Variants in FAM91A1 observed in about 807,000 individuals in gnomAD.
The protein encoded by FAM91A1 is family with sequence similarity 91 member A1.
A neutral mutation model predicts 113.5 loss-of-function variants in FAM91A1; 41 were observed. The observed-to-expected ratio is 0.36, with a 90% confidence interval of 0.28 to 0.47. FAM91A1 has a LOEUF of 0.47. Ranked by LOEUF, FAM91A1 falls within the 20% of genes least tolerant of loss-of-function variation. The pLI is 1.00. For missense variants in FAM91A1, 696 were observed against 1,001.2 expected (o/e 0.70, Z 4.11); for synonymous variants, 307 against 347.9 (o/e 0.88, Z 1.31).
At chr8:123,785,298 C>T (rs1815225751) in intron 10 of FAM91A1, among the ~76,000 whole-genome samples, 179 bp downstream of exon 10, 2 of 152,152 alleles carry the variant, frequency 1.3e-5, no homozygotes, top group Non-Finnish European at 2.9e-5. Context: ...AAAAGGGGCC[C>T]TAAATTGGGA....
At position 123,813,358 on chromosome 8, in the gene FAM91A1, A is replaced by G. The variant is rs1470280282; in HGVS notation, c.*654A>G. On this transcript the variant is annotated 3_prime_UTR_variant, in exon 24 of 24. Coordinates refer to ENST00000334705, the MANE Select transcript of FAM91A1 (RefSeq NM_144963.4). Reference sequence around the variant, plus strand: ...GACATCTCATGAGAAGCTTTAGAAGACTTTCTATTTTTAAACACCATTTAT... The same window carrying G: ...GACATCTCATGAGAAGCTTTAGAAGGCTTTCTATTTTTAAACACCATTTAT... 6.6e-6 allele frequency: 1 copy of G among 152,578 alleles called. No individual in the cohort carries two copies. The highest frequency in any genetic ancestry group is 1.5e-5 in the Non-Finnish European group (1 of 68,004). 9.5% of individuals were successfully genotyped at this position (152,578 alleles called of 1,614,324 possible).
intron 18 of FAM91A1, 135 bp from the exon 19 acceptor site, chr8:123,805,132 A>G: frequency 3.1e-6 from 2 of 648,746 alleles, no homozygotes; most frequent in Non-Finnish European, 5.2e-6. Context: ...AGAAAAATAG[A>G]AAATTGTTGA....
At chr8:123,801,172 G>T (rs1170847593) in intron 18 of FAM91A1, among the ~76,000 whole-genome samples, 1 of 152,134 alleles carries the variant, frequency 6.6e-6, no homozygotes, top group Non-Finnish European at 1.5e-5. Context: ...GCTTTTTGAT[G>T]ATAACCACCT....
chr8:123,804,031 A>G (rs1815746501), intron 18 of FAM91A1, among the ~76,000 whole-genome samples: 1 of 152,214 alleles, frequency 6.6e-6, no homozygotes, highest in Non-Finnish European at 1.5e-5. Context: ...AATATAAGCA[A>G]AGCTTTAAAA....
chr8:123,807,480 C>CAAAAAAAAAA (rs546080328), intron 20 of FAM91A1, among the ~76,000 whole-genome samples: 7 of 58,870 alleles, frequency 1.2e-4, no homozygotes, highest in Non-Finnish European at 1.4e-4. Flanking sequence ...CCTGTCTCTA[C>CAAAAAAAAAA]AAAAAAAAAA....
At chr8:123,799,911 G>T in intron 18 of FAM91A1, 26 bp downstream of exon 18, 3 of 1,531,370 alleles carry the variant, frequency 2.0e-6, no homozygotes, top group Non-Finnish European at 1.8e-6. Context: ...TTGAAATTTT[G>T]TCTTTTTATT....
intron 18 of FAM91A1, 77 bp from the exon 19 acceptor site, chr8:123,805,190 A>C: frequency 8.7e-7 from 1 of 1,153,564 alleles, no homozygotes; most frequent in East Asian, 2.5e-5. Flanking sequence ...TACATGACAC[A>C]ATCTTATTTA....
chr8:123,794,657 A>G (rs561314790), intron 15 of FAM91A1, among the ~76,000 whole-genome samples: 3 of 152,326 alleles, frequency 2.0e-5, no homozygotes, highest in African/African-American at 7.2e-5. Context: ...TAAATTGCCT[A>G]TTGCAGTTAA....
At chr8:123,773,223 G>T (rs771708887) in intron 1 of FAM91A1, among the ~76,000 whole-genome samples, 15 of 152,212 alleles carry the variant, frequency 9.9e-5, no homozygotes, top group Admixed American at 2.0e-4. Context: ...AGTGAAAGAT[G>T]TAGGGACCTG....
In FAM91A1 at chr8:123,778,056, G is replaced by T. The variant is rs1387473654; in HGVS notation, c.399G>T (p.Gln133His). The T allele has an allele frequency of 6.2e-7, 1 of 1,612,532 alleles. No individual in the cohort carries two copies. The highest frequency in any genetic ancestry group is 1.3e-5 in the African/African-American group (1 of 74,836). ...CLRLLGIGRN[Q>H]YIDLMNQCRS... is the part of the protein sequence containing the mutation. Reference sequence around the variant, plus strand: ...GGCTTCTTGGCATAGGAAGAAACCAGTATATTGATCTTATGAATCAGTGTA... The same window carrying T: ...GGCTTCTTGGCATAGGAAGAAACCATTATATTGATCTTATGAATCAGTGTA... The change falls in exon 5 of 24, where the codon CAG becomes CAT. Residue 133 changes from glutamine to histidine, a missense_variant. Physicochemically the swap from Gln to His is conservative, Grantham distance 24. Transcript: ENST00000334705.
intron 23 of FAM91A1, chr8:123,810,652 T>G: frequency 4.8e-6 from 2 of 416,698 alleles, no homozygotes; most frequent in Admixed American, 9.5e-5. Flanking sequence ...TATAGCGCAC[T>G]TCCCAATAAC....
intron 15 of FAM91A1, among the ~76,000 whole-genome samples, chr8:123,795,465 C>G (rs1563644486): frequency 1.3e-5 from 2 of 150,958 alleles, no homozygotes; most frequent in African/African-American, 2.4e-5. Flanking sequence ...CCCCATCTCT[C>G]TCTTCCTCCT....
At chr8:123,789,835 C>T (rs2130101667) in intron 15 of FAM91A1, 90 bp downstream of exon 15, 1 of 1,431,162 alleles carries the variant, frequency 7.0e-7, no homozygotes. Context: ...ATATAATCAT[C>T]ACTTACGTAT....
chr8:123,793,396 C>A (rs1385733573), intron 15 of FAM91A1, among the ~76,000 whole-genome samples: 1 of 152,138 alleles, frequency 6.6e-6, no homozygotes, highest in Non-Finnish European at 1.5e-5. Flanking sequence ...ATTTTTCCCC[C>A]ACTTGAGCAG....
chr8:123,807,394 A>C (rs1815836979), intron 20 of FAM91A1, among the ~76,000 whole-genome samples: 2 of 148,584 alleles, frequency 1.3e-5, no homozygotes, highest in Admixed American at 1.4e-4. Context: ...CTGTAATTCC[A>C]GTCCTCTGGG....
In FAM91A1 at chr8:123,814,253, A is replaced by G. The variant is rs1816021121; in HGVS notation, c.*1549A>G. 1 of 332,662 alleles carries G rather than the reference A, an allele frequency of 3.0e-6. No individual in the cohort carries two copies. 20.6% of individuals were successfully genotyped at this position (332,662 alleles called of 1,614,324 possible). On this transcript the variant is annotated 3_prime_UTR_variant, in exon 24 of 24. Coordinates refer to ENST00000334705, the MANE Select transcript of FAM91A1 (RefSeq NM_144963.4). ...TCTTACGACTCTGAGTCACTCACTTATTTTTCCAATAATTGATATTGTACA... is the reference window on the plus strand; with the variant it reads ...TCTTACGACTCTGAGTCACTCACTTGTTTTTCCAATAATTGATATTGTACA...
At chr8:123,788,202 A>G (rs2130095999) in intron 14 of FAM91A1, 6 of 985,290 alleles carry the variant, frequency 6.1e-6, no homozygotes, top group African/African-American at 1.7e-5. Flanking sequence ...CCCTTTTAGC[A>G]TCTTGAAGAC....
At chr8:123,812,408 T>TA in intron 23 of FAM91A1, 111 bp from the exon 24 acceptor site, 3 of 773,986 alleles carry the variant, frequency 3.9e-6, no homozygotes, top group Non-Finnish European at 3.8e-6. Context: ...TGTACTGCTT[T>TA]GCAATCCATA....
intron 15 of FAM91A1, among the ~76,000 whole-genome samples, chr8:123,796,302 T>C (rs1815519358): frequency 1.3e-5 from 2 of 152,200 alleles, no homozygotes; most frequent in Admixed American, 1.3e-4. Context: ...CATCATTGTT[T>C]TAGAAAAAGC....
Sources: gnomAD v4.1 joint callset for allele counts (sites outside exome capture counted in the v4.1 genomes callset) on GRCh38, gnomAD v4.1.1 for gene constraint, MANE v1.5 for transcripts, NCBI Gene and HGNC (gene_info 2026-07-23, HGNC 2026-07-21) for gene names.